The following CMC2 variants were observed in gnomAD, a reference collection of about 807,000 sequenced individuals.
CMC2 encodes the protein COX assembly mitochondrial protein 2 homolog.
CMC2 carries 5 observed loss-of-function variants against 7.5 expected under a neutral mutation model. The observed-to-expected ratio is 0.66, with a 90% CI of 0.35 to 1.40. The LOEUF (loss-of-function observed/expected upper bound fraction) is 1.40. Among genes scored for constraint, CMC2 ranks in the 40% most tolerant of loss-of-function variants. CMC2 has a pLI of 0.04. For synonymous variants in CMC2, 37 were observed against 31.4 expected (o/e 1.18, Z -0.60); for missense variants, 115 against 92.3 (o/e 1.25, Z -1.01).
intron 2 of CMC2, among the ~76,000 whole-genome samples, chr16:80,989,762 A>G (rs1318128193): frequency 1.3e-5 from 2 of 152,202 alleles, no homozygotes; most frequent in East Asian, 1.9e-4. Context: ...TCTAATTCCA[A>G]TCCAACATCA....
At chr16:80,988,795 G>A (rs982716137) in intron 2 of CMC2, among the ~76,000 whole-genome samples, 8 of 71,610 alleles carry the variant, frequency 1.1e-4, no homozygotes, top group African/African-American at 9.1e-5. Flanking sequence ...TAGTTGTCAC[G>A]TCTTTTTAGT....
rs1290512154 is a variant in CMC2 at position 80,971,777 on chromosome 16, G to C, written c.*4316C>G. The C allele has an allele frequency of 1.3e-5, 2 of 151,856 alleles. No homozygotes were observed. The highest frequency in any genetic ancestry group is 4.8e-5 in the African/African-American group (2 of 41,260). 9.4% of individuals were successfully genotyped at this position (151,856 alleles called of 1,614,324 possible). ...ATTTTTTAAAAGTATGACTTAGATA[G>C]CAGCTATGTGAGTGTTCGTATTAGT... On this transcript the variant is annotated 3_prime_UTR_variant, in exon 4 of 4. Transcript: ENST00000219400.
At chr16:80,996,945 A>T (rs1968465138) in intron 2 of CMC2, 1 of 426,710 alleles carries the variant, frequency 2.3e-6, no homozygotes, top group Non-Finnish European at 4.6e-6. Context: ...AATGGTAGCC[A>T]TCAAAGAGCA....
chr16:80,989,050 C>T (rs1367717459), intron 2 of CMC2, among the ~76,000 whole-genome samples: 2 of 152,184 alleles, frequency 1.3e-5, no homozygotes, highest in Non-Finnish European at 2.9e-5. Flanking sequence ...AGGCACATGG[C>T]AATTTGTCCC....
chr16:80,989,439 G>A (rs1967798852), intron 2 of CMC2, among the ~76,000 whole-genome samples: 1 of 152,042 alleles, frequency 6.6e-6, no homozygotes, highest in Admixed American at 6.5e-5. Flanking sequence ...TTTGGCCAGT[G>A]GGAATCCCTT....
chr16:80,976,970 C>T (rs1188794474), intron 3 of CMC2, among the ~76,000 whole-genome samples: 3 of 152,046 alleles, frequency 2.0e-5, no homozygotes, highest in African/African-American at 4.8e-5. Context: ...AAAATCACAA[C>T]CAAAATTGAA....
At chr16:81,001,104 A>C (rs1968831182) in intron 1 of CMC2, 1 of 152,254 alleles carries the variant, frequency 6.6e-6, no homozygotes, top group African/African-American at 2.4e-5. Context: ...ACAGAAAGCC[A>C]AATATGGCAT....
rs141507849 is a variant in CMC2, at chr16:80,981,169, A to C, written c.153+637T>G. Among the ~76,000 whole-genome samples the C allele has an allele frequency of 3.4e-3, 524 of 152,306 alleles. 5 individuals are homozygous for C. Among genetic ancestry groups the C allele is most frequent in the African/African-American group, 0.012 (485 of 41,578 alleles). ...ATATTTTTAAAAGTTCTGGACACAA[A>C]AAATCTGATGTATGAAACAGAAATT... is the stretch of plus-strand genomic sequence containing the variant. On this transcript the variant is annotated intron_variant, in intron 3 of 3. Coordinates refer to ENST00000219400, the MANE Select transcript of CMC2 (RefSeq NM_020188.5).
Position 80,975,195 on chromosome 16 carries a change from C to A in CMC2, c.*898G>T, listed in dbSNP as rs1912191498. The stretch of plus-strand genomic sequence containing the variant: ...ACTCAGCAGAGAGGAGACACACTGG[C>A]CTAAGGTTAATGTCCAGGAGTTAAC... On this transcript the variant is annotated 3_prime_UTR_variant, in exon 4 of 4. Transcript: ENST00000219400. 6.6e-6 allele frequency: 1 copy of A among 152,220 alleles called. No individual in the cohort carries two copies. Among genetic ancestry groups the A allele is most frequent in the South Asian group, 2.1e-4 (1 of 4,832 alleles). 9.4% of individuals were successfully genotyped at this position (152,220 alleles called of 1,614,324 possible).
intron 2 of CMC2, among the ~76,000 whole-genome samples, chr16:80,994,955 G>C (rs12923786): frequency 1.2e-4 from 19 of 152,120 alleles, no homozygotes; most frequent in Non-Finnish European, 7.3e-5. Flanking sequence ...AGACCAGCCT[G>C]ACCAACATAA....
At chr16:81,001,841 AACACACAC>A (rs72159358) in intron 1 of CMC2, among the ~76,000 whole-genome samples, 33 of 150,176 alleles carry the variant, frequency 2.2e-4, no homozygotes, top group South Asian at 4.2e-4. Flanking sequence ...GTAACTACTA[AACACACAC>A]ACACACACAC....
rs571338827 is a variant in CMC2 at position 80,985,428 on chromosome 16, C to T, written c.82-3551G>A. Among the ~76,000 whole-genome samples, 13 of 152,168 alleles carry T rather than the reference C, an allele frequency of 8.5e-5. No homozygotes were observed. In the East Asian group the frequency reaches 1.2e-3, roughly 14 times the overall value. On this transcript the variant is annotated intron_variant, in intron 2 of 3. Transcript: ENST00000219400. ...AAATGAAAAGCAATGCAATTCTTTT[C>T]GCTTTTTTCTGGTTTGAAAAATAAG...
rs1456481833 is a variant in CMC2, at chr16:80,969,409, T to A, written c.*6684A>T. The A allele has an allele frequency of 1.3e-5, 2 of 152,304 alleles. No individual in the cohort carries two copies. Among genetic ancestry groups the A allele is most frequent in the African/African-American group, 4.8e-5 (2 of 41,454 alleles). The allele number at this position is 152,304 out of a possible 1,614,324, so 9.4% of individuals were successfully genotyped here. ...GGGCCAATTTGAGAACAGCAATTGG[T>A]ACTGGGAAGGTTCTTGCCCACTTCA... On this transcript the variant is annotated 3_prime_UTR_variant, in exon 4 of 4. Transcript: ENST00000219400.
rs1225408410 is a variant in CMC2 at position 80,971,428 on chromosome 16, CA to C, written c.*4664del. 6.7e-6 allele frequency: 1 copy of C among 149,818 alleles called. No individual in the cohort carries two copies. The highest frequency in any genetic ancestry group is 2.5e-5 in the African/African-American group (1 of 40,190). 9.3% of individuals were successfully genotyped at this position (149,818 alleles called of 1,614,324 possible). ...AGGCAAAACAAATAAACAAGAACCT[CA>C]TTTATCAACATAGTATTTTTTTTTT... On this transcript the variant is annotated 3_prime_UTR_variant, in exon 4 of 4. Transcript: ENST00000219400.
intron 2 of CMC2, among the ~76,000 whole-genome samples, chr16:80,991,467 C>G (rs1255940374): frequency 6.6e-6 from 1 of 152,088 alleles, no homozygotes; most frequent in Non-Finnish European, 1.5e-5. Flanking sequence ...AAAACCCGTT[C>G]TCTACAAATA....
chr16:80,980,775 G>A (rs185757948), intron 3 of CMC2: 66 of 693,220 alleles, frequency 9.5e-5, no homozygotes, highest in South Asian at 2.1e-4. Flanking sequence ...CGCACCTGTC[G>A]TCCTAGCTAC....
chr16:80,993,068 G>A lies in CMC2; in HGVS notation c.81+4246C>T, dbSNP rs182618681. 2.1e-4 allele frequency among the ~76,000 whole-genome samples: 32 copies of A among 152,210 alleles called. No homozygotes were observed. The East Asian group carries it at 5.0e-3, about 24-fold the overall frequency. ...ATCGTTTCATTTTTGACATTTAGAT[G>A]TCTGCCCCATTAGTTGATTCATATG... On this transcript the variant is annotated intron_variant, in intron 2 of 3. Coordinates refer to ENST00000219400, the MANE Select transcript of CMC2 (RefSeq NM_020188.5).
chr16:80,994,906 G>C (rs2970084), intron 2 of CMC2, among the ~76,000 whole-genome samples: 98,906 of 151,808 alleles, frequency 0.65, 33,966 homozygotes, highest in Middle Eastern at 0.8. Context: ...AGCACTTTGG[G>C]GGGCCATGGC....
chr16:80,999,920 C>G (rs1255783038), intron 1 of CMC2, among the ~76,000 whole-genome samples: 1 of 152,166 alleles, frequency 6.6e-6, no homozygotes, highest in African/African-American at 2.4e-5. Context: ...TACAGATTTA[C>G]ACAGAATGCC....
Sources: gnomAD v4.1 joint callset for allele counts (sites outside exome capture counted in the v4.1 genomes callset) on GRCh38, gnomAD v4.1.1 for gene constraint, MANE v1.5 for transcripts, NCBI Gene and HGNC (gene_info 2026-07-23, HGNC 2026-07-21) for gene names.